GNA14: variants seen among roughly 807,000 people sequenced by gnomAD.
The protein encoded by GNA14 is guanine nucleotide-binding protein subunit alpha-14.
Under a neutral mutation model 42.0 loss-of-function variants are expected in GNA14, and 50 were observed. That is an observed-to-expected ratio of 1.19 (90% CI 0.95 to 1.51). The LOEUF is 1.51. Among genes scored for constraint, GNA14 ranks in the 40% most tolerant of loss-of-function variants. The probability of loss-of-function intolerance (pLI) is 0.00; values close to 1 mark genes in which losing one functional copy is unlikely to be tolerated. For missense variants in GNA14, 473 were observed against 446.2 expected (o/e 1.06, Z -0.54); for synonymous variants, 173 against 163.1 (o/e 1.06, Z -0.46).
rs141546320 is a variant in GNA14, at chr9:77,596,369, A to G, written c.124+51301T>C. 4.4e-3 allele frequency among the ~76,000 whole-genome samples: 668 copies of G among 152,304 alleles called. 4 individuals carry two copies. Among genetic ancestry groups the G allele is most frequent in the African/African-American group, 0.015 (640 of 41,566 alleles). ...TTGTTTCTGAAAAGAAACTTGTTGC[A>G]TATAACATTGTATTGCACAACTGAT... On this transcript the variant is annotated intron_variant, in intron 1 of 6. Coordinates refer to ENST00000341700, the MANE Select transcript of GNA14 (RefSeq NM_004297.4).
intron 1 of GNA14, among the ~76,000 whole-genome samples, chr9:77,587,072 CTAAA>C (rs1327491468): frequency 6.7e-6 from 1 of 149,846 alleles, no homozygotes; most frequent in African/African-American, 2.5e-5. Context: ...CACTATCTGA[CTAAA>C]TAATTTCTTT....
chr9:77,516,665 G>A (rs1351753592), intron 2 of GNA14, among the ~76,000 whole-genome samples: 1 of 151,486 alleles, frequency 6.6e-6, no homozygotes. Context: ...GGCGGAGGTT[G>A]CAGTAAGCTG....
At chr9:77,506,354 C>T (rs1018010206) in intron 2 of GNA14, among the ~76,000 whole-genome samples, 4 of 150,984 alleles carry the variant, frequency 2.6e-5, no homozygotes, top group Non-Finnish European at 5.9e-5. Context: ...TCCAAAACAT[C>T]ATCATTTCAA....
chr9:77,629,733 G>A (rs1214296441), intron 1 of GNA14, among the ~76,000 whole-genome samples: 2 of 152,172 alleles, frequency 1.3e-5, no homozygotes, highest in Non-Finnish European at 2.9e-5. Flanking sequence ...CTGTCAGGGG[G>A]TAGGGAGCTA....
At chr9:77,479,121 G>A (rs974750285) in intron 2 of GNA14, among the ~76,000 whole-genome samples, 138 of 152,216 alleles carry the variant, frequency 9.1e-4, no homozygotes, top group Non-Finnish European at 1.3e-3. Context: ...GAATGGTACT[G>A]CCTAGGTTTT....
intron 2 of GNA14, among the ~76,000 whole-genome samples, chr9:77,527,333 A>G (rs1837455816): frequency 6.6e-6 from 1 of 152,232 alleles, no homozygotes; most frequent in East Asian, 1.9e-4. Context: ...AGAATCTCCT[A>G]GTGGCTCAGT....
chr9:77,598,852 C>T (rs747464787), intron 1 of GNA14, among the ~76,000 whole-genome samples: 1 of 152,088 alleles, frequency 6.6e-6, no homozygotes, highest in African/African-American at 2.4e-5. Flanking sequence ...GGAAAAACAC[C>T]ATGGTAAGTA....
intron 1 of GNA14, among the ~76,000 whole-genome samples, chr9:77,642,374 A>C (rs1172040052): frequency 6.6e-6 from 1 of 152,196 alleles, no homozygotes; most frequent in Admixed American, 6.5e-5. Context: ...AGACAAAACC[A>C]CACAATCCTC....
At chr9:77,469,852 A>AT (rs1836298683) in intron 2 of GNA14, among the ~76,000 whole-genome samples, 5 of 152,168 alleles carry the variant, frequency 3.3e-5, no homozygotes, top group African/African-American at 1.2e-4. Context: ...TTGAATACCT[A>AT]TCAGGTGACT....
chr9:77,647,527 C>T, intron 1 of GNA14, 143 bp downstream of exon 1: 1 of 920,746 alleles, frequency 1.1e-6, no homozygotes, highest in Non-Finnish European at 1.6e-6. Flanking sequence ...AAGTTGCTGG[C>T]ATCCGTGAGC....
intron 1 of GNA14, among the ~76,000 whole-genome samples, chr9:77,587,790 C>T (rs145402164): frequency 1.0e-3 from 159 of 152,276 alleles, no homozygotes; most frequent in Admixed American, 1.8e-3. Context: ...CAGTGAATTT[C>T]ACTGCAATTG....
Position 77,475,669 on chromosome 9 carries a change from C to A in GNA14, c.310-41147G>T, listed in dbSNP as rs563242607. 2.4e-4 allele frequency among the ~76,000 whole-genome samples: 37 copies of A among 152,304 alleles called. No homozygotes were observed. In the East Asian group the frequency reaches 5.2e-3, roughly 21 times the overall value. On this transcript the variant is annotated intron_variant, in intron 2 of 6. Transcript: ENST00000341700. ...CCACTCCTCTTCGTTCTTTCTAGAGCATCCTCCCAGGGAAAGATCAGGTTG... is the reference window on the plus strand; with the variant it reads ...CCACTCCTCTTCGTTCTTTCTAGAGAATCCTCCCAGGGAAAGATCAGGTTG...
At chr9:77,511,113 A>G (rs1837160126) in intron 2 of GNA14, among the ~76,000 whole-genome samples, 1 of 151,930 alleles carries the variant, frequency 6.6e-6, no homozygotes, top group South Asian at 2.1e-4. Context: ...GGTTAAGAGA[A>G]CCTTCCCAAA....
Position 77,605,287 on chromosome 9 carries a change from A to G in GNA14, c.124+42383T>C, listed in dbSNP as rs2117928172. On this transcript the variant is annotated intron_variant, in intron 1 of 6. Coordinates refer to ENST00000341700, the MANE Select transcript of GNA14 (RefSeq NM_004297.4). ...GACCAATCCTTGGGTGGAAAGATGC[A>G]AACATGGGCTCTTTACTTCAACACG... Among the ~76,000 whole-genome samples, 3 of 152,354 alleles carry G rather than the reference A, an allele frequency of 2.0e-5. No individual in the cohort carries two copies. In the Middle Eastern group the frequency reaches 0.01, roughly 518 times the overall value.
intron 2 of GNA14, among the ~76,000 whole-genome samples, chr9:77,515,157 C>T (rs1251323278): frequency 6.6e-6 from 1 of 152,158 alleles, no homozygotes; most frequent in African/African-American, 2.4e-5. Context: ...TTCCTTTGCC[C>T]CAGGAATGAG....
Position 77,544,534 on chromosome 9 carries a change from A to C in GNA14, c.125-15281T>G, listed in dbSNP as rs186797575. Among the ~76,000 whole-genome samples the C allele has an allele frequency of 5.3e-5, 8 of 152,012 alleles. No individual in the cohort carries two copies. The East Asian group carries it at 1.6e-3, about 30-fold the overall frequency. On this transcript the variant is annotated intron_variant, in intron 1 of 6. Coordinates refer to ENST00000341700, the MANE Select transcript of GNA14 (RefSeq NM_004297.4). ...CCTGGCCAACATGGAGAAACCCTGT[A>C]TCTACTAAAAATACAAAAATTAGCC... is the stretch of plus-strand genomic sequence containing the variant.
chr9:77,514,771 G>C (rs571734651), intron 2 of GNA14, among the ~76,000 whole-genome samples: 1 of 152,000 alleles, frequency 6.6e-6, no homozygotes, highest in East Asian at 1.9e-4. Context: ...CTGCCACCAC[G>C]CCCGGCTAAT....
chr9:77,632,764 G>A (rs901419361), intron 1 of GNA14, among the ~76,000 whole-genome samples: 4 of 152,176 alleles, frequency 2.6e-5, no homozygotes. Flanking sequence ...TGCCCACCCT[G>A]CTACAGCAAA....
intron 1 of GNA14, among the ~76,000 whole-genome samples, chr9:77,613,210 T>C (rs977523157): frequency 6.6e-6 from 1 of 152,156 alleles, no homozygotes; most frequent in Non-Finnish European, 1.5e-5. Context: ...TACTATCACA[T>C]TGAGAATTAA....
Sources: allele counts gnomAD v4.1 joint callset (sites outside exome capture counted in the v4.1 genomes callset), GRCh38; gene constraint gnomAD v4.1.1; transcripts MANE v1.5; gene names NCBI Gene and HGNC (gene_info 2026-07-23, HGNC 2026-07-21).